STK40: variants seen among roughly 807,000 people sequenced by gnomAD.
The protein encoded by STK40 is serine/threonine-protein kinase 40.
Under a neutral mutation model 47.9 loss-of-function variants are expected in STK40, and 13 were observed. The observed-to-expected ratio is 0.27, with a 90% CI of 0.18 to 0.43. The LOEUF is 0.43. Ranked by LOEUF, STK40 falls within the 20% of genes least tolerant of loss-of-function variation. STK40 has a pLI of 1.00. For synonymous variants in STK40, 225 were observed against 243.2 expected, an observed-to-expected ratio of 0.93 and a Z score of 0.69; for missense variants, 460 against 595.1, an observed-to-expected ratio of 0.77 and a Z score of 2.36.
At chr1:36,356,889 C>A (rs1324604988) in intron 4 of STK40, among the ~76,000 whole-genome samples, 1 of 152,116 alleles carries the variant, frequency 6.6e-6, no homozygotes, top group East Asian at 1.9e-4. Context: ...AGACAAAATA[C>A]CAAGAAACCA....
At position 36,363,978 on chromosome 1, in the gene STK40, T is replaced by C. The variant is rs370712847; in HGVS notation, c.-8-2638A>G. On this transcript the variant is annotated intron_variant, in intron 1 of 10. Coordinates refer to ENST00000373132, the MANE Select transcript of STK40 (RefSeq NM_001282547.2). ...CATCCTGGTTAACACGGTGAAACCC[T>C]GTCTCTACTAAAAATACAAAAAATT... is the stretch of plus-strand genomic sequence containing the variant. Among the ~76,000 whole-genome samples, 25 of 151,640 alleles carry C rather than the reference T, an allele frequency of 1.6e-4. 1 individual carries two copies. Among genetic ancestry groups the C allele is most frequent in the East Asian group, 1.2e-3 (6 of 5,164 alleles).
At position 36,360,265 on chromosome 1, in the gene STK40, G is replaced by C. The variant is rs144963078; in HGVS notation, c.112+956C>G. Among the ~76,000 whole-genome samples, 21 of 152,290 alleles carry C rather than the reference G, an allele frequency of 1.4e-4. No homozygotes were observed. In the East Asian group the frequency reaches 3.7e-3, roughly 27 times the overall value. ...TATCCTGAGCCTGTAAGTCCAAAATGCTGTCCCAAAGTAAAACTCACGCCC... is the reference window on the plus strand; with the variant it reads ...TATCCTGAGCCTGTAAGTCCAAAATCCTGTCCCAAAGTAAAACTCACGCCC... On this transcript the variant is annotated intron_variant, in intron 2 of 10. Coordinates refer to ENST00000373132, the MANE Select transcript of STK40 (RefSeq NM_001282547.2).
chr1:36,355,954 G>C (rs975571434), intron 4 of STK40, among the ~76,000 whole-genome samples: 1 of 152,070 alleles, frequency 6.6e-6, no homozygotes, highest in African/African-American at 2.4e-5. Context: ...TCTCAGAAAA[G>C]AGGACTGTCG....
chr1:36,374,777 G>A (rs750063764), intron 1 of STK40, among the ~76,000 whole-genome samples: 2 of 152,200 alleles, frequency 1.3e-5, no homozygotes, highest in Non-Finnish European at 2.9e-5. Context: ...CGCAGTGACG[G>A]CAGACTGAGT....
intron 1 of STK40, chr1:36,367,781 C>G: frequency 3.0e-6 from 3 of 985,016 alleles, no homozygotes; most frequent in Non-Finnish European, 3.6e-6. Flanking sequence ...ATGGAGGGTC[C>G]CCCACTCTAC....
At position 36,344,103 on chromosome 1, in the gene STK40, C is replaced by CCGGG; in HGVS notation, c.884+16_884+17insCCCG. On this transcript the variant is annotated intron_variant, in intron 8 of 10. Transcript: ENST00000373132. ...CAGGCTGGCTGCCCCCCCCACCCCC[C>CCGGG]GGGAGGCAGGACTCACTCAGGAATG... 2 of 1,583,816 alleles carry CCGGG rather than the reference C, an allele frequency of 1.3e-6. No individual in the cohort carries two copies. Among genetic ancestry groups the CCGGG allele is most frequent in the Non-Finnish European group, 8.6e-7 (1 of 1,164,068 alleles).
chr1:36,354,314 C>T, intron 6 of STK40, 50 bp downstream of exon 6: 1 of 1,604,466 alleles, frequency 6.2e-7, no homozygotes, highest in East Asian at 2.2e-5. Context: ...CAATGTGTAG[C>T]CTGCCCCAGC....
At chr1:36,362,020 G>A (rs1259033699) in intron 1 of STK40, among the ~76,000 whole-genome samples, 2 of 152,074 alleles carry the variant, frequency 1.3e-5, no homozygotes, top group East Asian at 3.9e-4. Context: ...AACTTTTCCT[G>A]AATTACTTTT....
At chr1:36,351,120 T>C (rs1281994249) in intron 6 of STK40, among the ~76,000 whole-genome samples, 2 of 152,174 alleles carry the variant, frequency 1.3e-5, no homozygotes, top group Non-Finnish European at 2.9e-5. Flanking sequence ...CCACAGTGTT[T>C]TTCTCCTTTT....
chr1:36,344,105 GGA>G lies in STK40; in HGVS notation c.884+13_884+14del. The G allele has an allele frequency of 6.4e-7, 1 of 1,564,738 alleles. No homozygotes were observed. Among genetic ancestry groups the G allele is most frequent in the Non-Finnish European group, 8.7e-7 (1 of 1,152,460 alleles). On this transcript the variant is annotated intron_variant, in intron 8 of 10. Transcript: ENST00000373132. ...GGCTGGCTGCCCCCCCCACCCCCCG[GGA>G]GGCAGGACTCACTCAGGAATGGTAT...
intron 1 of STK40, among the ~76,000 whole-genome samples, chr1:36,381,337 A>G (rs1006585791): frequency 2.0e-5 from 3 of 152,208 alleles, no homozygotes; most frequent in Non-Finnish European, 4.4e-5. Context: ...TCCTGCAGTC[A>G]GTCCCTTCAC....
chr1:36,348,330 T>C (rs1437127180), intron 7 of STK40, among the ~76,000 whole-genome samples: 1 of 152,248 alleles, frequency 6.6e-6, no homozygotes, highest in African/African-American at 2.4e-5. Context: ...CAACGTGCTG[T>C]GCTGCCTCTG....
In STK40 at chr1:36,367,915, G is replaced by T. The variant is rs116022642; in HGVS notation, c.-8-6575C>A. 1.5e-3 allele frequency: 1,517 copies of T among 985,078 alleles called. 19 individuals are homozygous for T. In the African/African-American group the frequency reaches 0.025, roughly 16 times the overall value. The allele number at this position is 985,078 out of a possible 1,614,324, so 61.0% of individuals were successfully genotyped here. On this transcript the variant is annotated intron_variant, in intron 1 of 10. Coordinates refer to ENST00000373132, the MANE Select transcript of STK40 (RefSeq NM_001282547.2). ...GCCAGCCTCCCTGAATGGGTCTGTGGTCATGCTCCAGTTGGAGGTGAAGTG... is the reference window on the plus strand; with the variant it reads ...GCCAGCCTCCCTGAATGGGTCTGTGTTCATGCTCCAGTTGGAGGTGAAGTG...
intron 1 of STK40, among the ~76,000 whole-genome samples, chr1:36,381,849 C>T (rs938309743): frequency 2.6e-5 from 4 of 152,102 alleles, no homozygotes; most frequent in African/African-American, 9.7e-5. Context: ...TCCTAGAGCT[C>T]GATCACTTCT....
rs1290472026 is a variant in STK40, at chr1:36,384,962, CAG to C, written c.-9+759_-9+760del. Among the ~76,000 whole-genome samples the C allele has an allele frequency of 3.3e-5, 5 of 152,236 alleles. No individual in the cohort carries two copies. In the East Asian group the frequency reaches 7.7e-4, roughly 23 times the overall value. Reference sequence around the variant, plus strand: ...ACCGGTTTCCTCCAGTGACTTAAAACAGAGCAAAGTCTATCCTGCCACACAGA... The same window carrying C: ...ACCGGTTTCCTCCAGTGACTTAAAACAGCAAAGTCTATCCTGCCACACAGA... On this transcript the variant is annotated intron_variant, in intron 1 of 10. Coordinates refer to ENST00000373132, the MANE Select transcript of STK40 (RefSeq NM_001282547.2).
At chr1:36,384,414 A>G (rs114626678) in intron 1 of STK40, among the ~76,000 whole-genome samples, 54 of 152,390 alleles carry the variant, frequency 3.5e-4, no homozygotes, top group African/African-American at 1.3e-3. Context: ...TTGAAATAAA[A>G]ATAGATAACA....
At position 36,375,271 on chromosome 1, in the gene STK40, C is replaced by T. The variant is rs1435139221; in HGVS notation, c.-9+10452G>A. Among the ~76,000 whole-genome samples the T allele has an allele frequency of 2.0e-5, 3 of 152,158 alleles. No homozygotes were observed. The East Asian group carries it at 5.8e-4, about 29-fold the overall frequency. On this transcript the variant is annotated intron_variant, in intron 1 of 10. Transcript: ENST00000373132. ...TCTATCATCCCAGCACTTTAGGAGG[C>T]CGAGGCAGGTTGATCACCTGAGGTC... is the stretch of plus-strand genomic sequence containing the variant.
At chr1:36,354,437 G>T (rs373230241) in intron 5 of STK40, 21 bp from the exon 6 acceptor site, 2 of 1,613,786 alleles carry the variant, frequency 1.2e-6, no homozygotes, top group African/African-American at 1.3e-5. Flanking sequence ...ACAGGCGTAT[G>T]GTTTACATTG....
At chr1:36,344,596 T>C (rs1445893817) in intron 7 of STK40, among the ~76,000 whole-genome samples, 1 of 152,136 alleles carries the variant, frequency 6.6e-6, no homozygotes, top group Non-Finnish European at 1.5e-5. Flanking sequence ...AGCAGATAAC[T>C]AGCTGGCTCC....
Sources: allele counts gnomAD v4.1 joint callset (sites outside exome capture counted in the v4.1 genomes callset), GRCh38; gene constraint gnomAD v4.1.1; transcripts MANE v1.5; gene names NCBI Gene and HGNC (gene_info 2026-07-23, HGNC 2026-07-21).